The following LARGE1 variants were observed in gnomAD, a reference collection of about 807,000 sequenced individuals.
LARGE1 encodes the protein xylosyl- and glucuronyltransferase LARGE1.
In LARGE1, 43 loss-of-function variants were observed where a neutral mutation model predicts 87.6. The observed-to-expected ratio is 0.49, with a 90% CI of 0.38 to 0.63. The LOEUF is 0.63. LARGE1 is among the 30% of genes least tolerant of loss of function. LARGE1 has a pLI of 0.00. For synonymous variants in LARGE1, 434 were observed against 394.6 expected (o/e 1.10, Z -1.18); for missense variants, 802 against 1,000.2 (o/e 0.80, Z 2.67).
chr22:33,749,677 A>G (rs1309583206), intron 2 of LARGE1, among the ~76,000 whole-genome samples: 1 of 152,234 alleles, frequency 6.6e-6, no homozygotes, highest in Non-Finnish European at 1.5e-5. Flanking sequence ...TCTATGACAG[A>G]AACAAAATGC....
At position 33,466,676 on chromosome 22, in the gene LARGE1, C is replaced by A. The variant is rs190890451; in HGVS notation, c.788-34411G>T. On this transcript the variant is annotated intron_variant, in intron 6 of 14. Transcript: ENST00000397394. ...GCAGATAATGAGCCCTGGCCTCATT[C>A]ACCCCCTCTCTCTCTCTACACACAC... Among the ~76,000 whole-genome samples the A allele has an allele frequency of 1.2e-3, 173 of 148,886 alleles. 1 individual carries two copies. The highest frequency in any genetic ancestry group is 4.1e-3 in the African/African-American group (162 of 39,744).
intron 12 of LARGE1, among the ~76,000 whole-genome samples, chr22:33,288,948 A>AATTATTATTATTATT (rs111962265): frequency 1.3e-5 from 2 of 150,966 alleles, no homozygotes; most frequent in African/African-American, 4.9e-5. Context: ...TGGATCAAGG[A>AATTATTATTATTATT]ATTATTATTA....
chr22:33,342,669 C>T (rs1220878841), intron 9 of LARGE1, among the ~76,000 whole-genome samples: 3 of 152,180 alleles, frequency 2.0e-5, no homozygotes, highest in African/African-American at 7.2e-5. Context: ...GGACCCAGGT[C>T]TCCTGGTGCC....
intron 1 of LARGE1, among the ~76,000 whole-genome samples, chr22:33,855,268 A>C (rs2063724926): frequency 6.6e-6 from 1 of 152,136 alleles, no homozygotes; most frequent in Non-Finnish European, 1.5e-5. Flanking sequence ...CAGGAGGCGG[A>C]GCTTGCAGTG....
intron 1 of LARGE1, among the ~76,000 whole-genome samples, chr22:33,793,583 G>A (rs964282658): frequency 6.6e-6 from 1 of 152,196 alleles, no homozygotes. Flanking sequence ...GAGGAATATT[G>A]CTTCTTTTCT....
intron 6 of LARGE1, among the ~76,000 whole-genome samples, chr22:33,433,372 G>A (rs145518975): frequency 3.3e-4 from 50 of 151,976 alleles, no homozygotes; most frequent in Admixed American, 7.9e-4. Context: ...CGGGATGGGC[G>A]GATCATGAGG....
chr22:33,436,386 A>C (rs2067272728), intron 6 of LARGE1, among the ~76,000 whole-genome samples: 1 of 152,202 alleles, frequency 6.6e-6, no homozygotes, highest in Admixed American at 6.5e-5. Flanking sequence ...CACAACCATT[A>C]GGCCATTCTC....
intron 11 of LARGE1, among the ~76,000 whole-genome samples, chr22:33,243,158 T>G (rs569104932): frequency 2.0e-4 from 31 of 152,276 alleles, no homozygotes; most frequent in Non-Finnish European, 4.0e-4. Flanking sequence ...GCAGTAGAGC[T>G]AATTCAACCC....
chr22:33,232,794 G>C (rs1045266583), intron 11 of LARGE1, among the ~76,000 whole-genome samples: 3 of 152,134 alleles, frequency 2.0e-5, no homozygotes, highest in Non-Finnish European at 4.4e-5. Context: ...GGGGAGTAAC[G>C]GCAGCCATTT....
intron 11 of LARGE1, among the ~76,000 whole-genome samples, chr22:33,258,769 G>A (rs2145739126): frequency 6.6e-6 from 1 of 152,186 alleles, no homozygotes; most frequent in South Asian, 2.1e-4. Context: ...GACTCACTCT[G>A]ATTCCTTTAC....
chr22:33,364,519 G>C (rs1012517056), intron 9 of LARGE1, among the ~76,000 whole-genome samples: 1 of 152,018 alleles, frequency 6.6e-6, no homozygotes, highest in Non-Finnish European at 1.5e-5. Context: ...AGTTACCAGA[G>C]GTCAACCACT....
At chr22:33,465,858 T>C (rs149076641) in intron 6 of LARGE1, among the ~76,000 whole-genome samples, 1 of 152,282 alleles carries the variant, frequency 6.6e-6, no homozygotes, top group African/African-American at 2.4e-5. Context: ...ATGGCATCCC[T>C]ATCATGCTAA....
At chr22:33,722,114 G>A (rs2083117582) in intron 2 of LARGE1, among the ~76,000 whole-genome samples, 2 of 152,150 alleles carry the variant, frequency 1.3e-5, no homozygotes, top group African/African-American at 2.4e-5. Flanking sequence ...TTAGCCGGGC[G>A]TGGTGGTGGG....
chr22:33,230,628 T>G (rs971618640), intron 11 of LARGE1, among the ~76,000 whole-genome samples: 55 of 152,256 alleles, frequency 3.6e-4, no homozygotes, highest in African/African-American at 1.3e-3. Flanking sequence ...AGAAAATCCC[T>G]TCTCAGAGAT....
rs73882273 is a variant in LARGE1 at position 33,580,482 on chromosome 22, G to A, written c.616-15463C>T. ...GAGGACCTTACAGAATCGAGCTGCT[G>A]GTTCATTCTGAATCAAGAAGGAAGA... On this transcript the variant is annotated intron_variant, in intron 5 of 14. Transcript: ENST00000397394. Among the ~76,000 whole-genome samples the A allele has an allele frequency of 7.9e-3, 1,201 of 152,202 alleles. 12 individuals are homozygous for A. The highest frequency in any genetic ancestry group is 0.028 in the African/African-American group (1,145 of 41,508).
intron 2 of LARGE1, among the ~76,000 whole-genome samples, chr22:33,734,508 G>A (rs1433133091): frequency 1.3e-5 from 2 of 152,166 alleles, no homozygotes; most frequent in East Asian, 3.9e-4. Context: ...GACCACTGAA[G>A]AGTTTTACGA....
At chr22:33,657,298 G>A (rs547893120) in intron 2 of LARGE1, 2 of 152,240 alleles carry the variant, frequency 1.3e-5, no homozygotes, top group South Asian at 2.1e-4. Flanking sequence ...ATCTCCCTAC[G>A]TACAATCTGT....
downstream of LARGE1, among the ~76,000 whole-genome samples, chr22:33,268,341 C>A (rs1379970372): frequency 6.6e-6 from 1 of 151,272 alleles, no homozygotes; most frequent in African/African-American, 2.4e-5. Flanking sequence ...TGAAGGTTCA[C>A]ATTTATATCC....
chr22:33,493,392 C>CA (rs2069951502), intron 6 of LARGE1, among the ~76,000 whole-genome samples: 1 of 152,008 alleles, frequency 6.6e-6, no homozygotes, highest in Non-Finnish European at 1.5e-5. Flanking sequence ...AACTCCTGAC[C>CA]TCAGGTGATC....
Sources: gnomAD v4.1 joint callset for allele counts (sites outside exome capture counted in the v4.1 genomes callset) on GRCh38, gnomAD v4.1.1 for gene constraint, MANE v1.5 for transcripts, NCBI Gene and HGNC (gene_info 2026-07-23, HGNC 2026-07-21) for gene names.